TTC22: variants seen among roughly 807,000 people sequenced by gnomAD.
TTC22 encodes the protein tetratricopeptide repeat protein 22.
TTC22 carries 42 observed loss-of-function variants against 48.2 expected under a neutral mutation model. The ratio of observed to expected loss-of-function variants is 0.87; its 90% confidence interval spans 0.68 to 1.13. The LOEUF (loss-of-function observed/expected upper bound fraction) is 1.13, where lower values mean the gene tolerates loss of function less well. TTC22 is among the 50% of genes most tolerant of loss of function. The pLI is 0.00. For missense variants in TTC22, 784 were observed against 807.0 expected (o/e 0.97, Z 0.34); for synonymous variants, 345 against 365.5 (o/e 0.94, Z 0.64).
intron 3 of TTC22, 195 bp downstream of exon 3, chr1:54,787,516 G>A: frequency 3.3e-6 from 2 of 605,090 alleles, no homozygotes; most frequent in Non-Finnish European, 5.9e-6. Context: ...TGCAGTCACA[G>A]TGACTTGTAG....
At chr1:54,797,733 G>C (rs1042045003) in intron 1 of TTC22, among the ~76,000 whole-genome samples, 21 of 152,292 alleles carry the variant, frequency 1.4e-4, no homozygotes, top group Admixed American at 3.9e-4. Context: ...TTTGGATTAC[G>C]GGCTGAATGA....
chr1:54,800,941 A>C lies in TTC22; in HGVS notation c.223T>G (p.Phe75Val), dbSNP rs771896060. 1.1e-5 allele frequency: 18 copies of C among 1,608,122 alleles called. No individual in the cohort carries two copies. Among genetic ancestry groups the C allele is most frequent in the Non-Finnish European group, 1.5e-5 (18 of 1,178,926 alleles). ...RPAVRHLLGA[F>V]AFYLEELDEA... ...TCCAGCTCCTCCAGGTAGAATGCGA[A>C]AGCGCCCAGGAGGTGACGCACAGCG... Residue 75 changes from phenylalanine to valine, a missense_variant, in exon 1 of 7, where the codon TTC becomes GTC. Physicochemically the swap from Phe to Val is conservative, Grantham distance 50. Coordinates refer to ENST00000371276, the MANE Select transcript of TTC22 (RefSeq NM_001114108.2).
rs146668228 is a variant in TTC22, at chr1:54,781,138, G to T, written c.*105C>A. On this transcript the variant is annotated 3_prime_UTR_variant, in exon 7 of 7. Coordinates refer to ENST00000371276, the MANE Select transcript of TTC22 (RefSeq NM_001114108.2). Reference sequence around the variant, plus strand: ...CCCGACCAAGAATCGAACTGGCTCCGCTCCCAGGTCAGCCTAAGGCAGGGA... The same window carrying T: ...CCCGACCAAGAATCGAACTGGCTCCTCTCCCAGGTCAGCCTAAGGCAGGGA... 8.7e-6 allele frequency: 7 copies of T among 804,122 alleles called. No homozygotes were observed. Among genetic ancestry groups the T allele is most frequent in the Non-Finnish European group, 1.0e-5 (6 of 576,948 alleles). The allele number at this position is 804,122 out of a possible 1,614,324, so 49.8% of individuals were successfully genotyped here.
rs76255804 is a variant in TTC22, at chr1:54,781,101, C to G, written c.*142G>C. The stretch of plus-strand genomic sequence containing the variant: ...AAACCGCGCGGGTGTCGCAACATCC[C>G]CATTCACAATTCCCGACCAAGAATC... On this transcript the variant is annotated 3_prime_UTR_variant, in exon 7 of 7. Transcript: ENST00000371276. 27,975 of 560,162 alleles carry G rather than the reference C, an allele frequency of 0.05. 883 individuals are homozygous for G. The highest frequency in any genetic ancestry group is 0.11 in the East Asian group (3,013 of 27,458). The allele number at this position is 560,162 out of a possible 1,614,324, so 34.7% of individuals were successfully genotyped here.
chr1:54,785,925 T>C, intron 5 of TTC22, 58 bp downstream of exon 5: 1 of 1,553,836 alleles, frequency 6.4e-7, no homozygotes. Flanking sequence ...TCTTGGCCTC[T>C]GGCCCTTGTT....
chr1:54,783,643 G>A (rs543477785), intron 5 of TTC22, among the ~76,000 whole-genome samples: 2 of 152,324 alleles, frequency 1.3e-5, no homozygotes, highest in South Asian at 4.1e-4. Context: ...TAAATAGTGT[G>A]TAAGGGAGTG....
At chr1:54,800,373 A>G (rs1646423523) in intron 1 of TTC22, among the ~76,000 whole-genome samples, 1 of 152,212 alleles carries the variant, frequency 6.6e-6, no homozygotes, top group South Asian at 2.1e-4. Context: ...TTTCCAAAAG[A>G]GAGGCTTGGG....
At chr1:54,787,612 G>A (rs1646314499) in intron 3 of TTC22, 99 bp downstream of exon 3, 1 of 852,118 alleles carries the variant, frequency 1.2e-6, no homozygotes, top group African/African-American at 1.7e-5. Flanking sequence ...GAAGAAACAG[G>A]AGCCAAGAAG....
chr1:54,800,693 A>G lies in TTC22; in HGVS notation c.471T>C (p.His157=), dbSNP rs1307877827. ...ARCLAEQGYA[H]GFDVGCASPE... ...GGCTGGCGCAGCCGACGTCGAAGCC[A>G]TGCGCGTAGCCCTGCTCGGCCAGGC... The change falls in exon 1 of 7, where the codon CAT becomes CAC. Residue 157 remains histidine (H), a synonymous_variant. Coordinates refer to ENST00000371276, the MANE Select transcript of TTC22 (RefSeq NM_001114108.2). The G allele has an allele frequency of 1.3e-6, 2 of 1,547,906 alleles. No individual in the cohort carries two copies. Among genetic ancestry groups the G allele is most frequent in the Non-Finnish European group, 1.7e-6 (2 of 1,155,048 alleles).
chr1:54,783,516 T>C (rs947370932), intron 5 of TTC22, among the ~76,000 whole-genome samples: 2 of 152,238 alleles, frequency 1.3e-5, no homozygotes, highest in Admixed American at 1.3e-4. Context: ...GAGCCTCCTC[T>C]GTGCCAGACA....
At chr1:54,784,707 G>C (rs1451742997) in intron 5 of TTC22, 25 of 1,218,610 alleles carry the variant, frequency 2.1e-5, no homozygotes, top group Non-Finnish European at 2.5e-5. Flanking sequence ...CTGAGACCAA[G>C]ACTGGGAGTA....
At chr1:54,781,841 C>T (rs1646265922) in intron 6 of TTC22, 62 bp from the exon 7 acceptor site, 3 of 1,355,784 alleles carry the variant, frequency 2.2e-6, no homozygotes, top group Non-Finnish European at 2.9e-6. Context: ...TCATTCCCGC[C>T]CCACGCTTGC....
At chr1:54,795,867 A>G (rs1646386349) in intron 1 of TTC22, among the ~76,000 whole-genome samples, 1 of 152,232 alleles carries the variant, frequency 6.6e-6, no homozygotes, top group Admixed American at 6.5e-5. Flanking sequence ...CCAAGACCAC[A>G]TAAGGCTGGA....
intron 5 of TTC22, chr1:54,785,762 G>T: frequency 3.7e-6 from 2 of 534,098 alleles, no homozygotes; most frequent in Non-Finnish European, 6.7e-6. Flanking sequence ...GCAGTGAGCC[G>T]TGGTGGCACC....
At chr1:54,788,177 C>T (rs1646321332) in intron 1 of TTC22, 80 bp from the exon 2 acceptor site, 2 of 1,366,360 alleles carry the variant, frequency 1.5e-6, no homozygotes, top group Middle Eastern at 1.8e-4. Context: ...ACTCACTGAA[C>T]CCCAAGAGGC....
Position 54,787,724 on chromosome 1 carries a change from G to T in TTC22, c.726C>A (p.Asp242Glu), listed in dbSNP as rs756889138. The change falls in exon 3 of 7, where the codon GAC (aspartate) becomes GAA (glutamate). Residue 242 changes from aspartate (D) to glutamate (E), a missense_variant. Asp to Glu is a conservative substitution (Grantham distance 45, BLOSUM62 2). Coordinates refer to ENST00000371276, the MANE Select transcript of TTC22 (RefSeq NM_001114108.2). Reference sequence around the variant, plus strand: ...CCGGGTCCCCACCTCGGTGGCGGGGGTCCTCGGACTTCAGCACTTGCCGGA... The same window carrying T: ...CCGGGTCCCCACCTCGGTGGCGGGGTTCCTCGGACTTCAGCACTTGCCGGA... ...ALLRQVLKSE[D>E]PRHRALAWCY... The T allele has an allele frequency of 5.6e-6, 9 of 1,612,640 alleles. No individual in the cohort carries two copies. The African/African-American group carries it at 6.7e-5, about 12-fold the overall frequency.
At chr1:54,787,127 G>T (rs560405988) in intron 3 of TTC22, 52 bp from the exon 4 acceptor site, 1 of 984,080 alleles carries the variant, frequency 1.0e-6, no homozygotes, top group African/African-American at 1.7e-5. Flanking sequence ...GGTGGAGAGA[G>T]GGAAGGGGCC....
At chr1:54,787,515 A>G in intron 3 of TTC22, 196 bp downstream of exon 3, 1 of 604,046 alleles carries the variant, frequency 1.7e-6, no homozygotes, top group Non-Finnish European at 3.0e-6. Context: ...CTGCAGTCAC[A>G]GTGACTTGTA....
intron 1 of TTC22, among the ~76,000 whole-genome samples, chr1:54,788,666 C>T (rs1378059127): frequency 2.6e-5 from 4 of 152,116 alleles, no homozygotes; most frequent in Non-Finnish European, 5.9e-5. Flanking sequence ...ACCAGTAAAA[C>T]CCCCCAGTGC....
Sources: allele counts gnomAD v4.1 joint callset (sites outside exome capture counted in the v4.1 genomes callset), GRCh38; gene constraint gnomAD v4.1.1; transcripts MANE v1.5; gene names NCBI Gene and HGNC (gene_info 2026-07-23, HGNC 2026-07-21).